Variants in DGKB observed in about 807,000 individuals in gnomAD.
The protein encoded by DGKB is diacylglycerol kinase beta, also known as 90 kDa diacylglycerol kinase.
In DGKB, 67 loss-of-function variants were observed where a neutral mutation model predicts 114.3. The observed-to-expected ratio is 0.59, with a 90% CI of 0.48 to 0.72. The LOEUF is 0.72. DGKB is among the 30% of genes least tolerant of loss of function. DGKB has a pLI of 0.00. For missense variants in DGKB, 907 were observed against 975.2 expected, an observed-to-expected ratio of 0.93 and a Z score of 0.93; for synonymous variants, 398 against 323.1, an observed-to-expected ratio of 1.23 and a Z score of -2.49.
chr7:14,365,097 G>T (rs1583429536), intron 21 of DGKB, among the ~76,000 whole-genome samples: 1 of 151,488 alleles, frequency 6.6e-6, no homozygotes, highest in Non-Finnish European at 1.5e-5. Context: ...CATCTTGGGG[G>T]TAGGGGCTCT....
chr7:14,756,830 C>A (rs552354767), intron 3 of DGKB, among the ~76,000 whole-genome samples: 1 of 152,026 alleles, frequency 6.6e-6, no homozygotes, highest in Non-Finnish European at 1.5e-5. Context: ...ACAAAAGGGT[C>A]TTTTGCAAAG....
intron 20 of DGKB, among the ~76,000 whole-genome samples, chr7:14,500,987 G>T (rs1239784326): frequency 7.9e-5 from 12 of 151,772 alleles, no homozygotes; most frequent in Non-Finnish European, 1.5e-5. Context: ...AAGAATAAAG[G>T]AATTTAAAGT....
At chr7:14,681,644 C>A (rs75473444) in intron 12 of DGKB, among the ~76,000 whole-genome samples, 5,973 of 152,038 alleles carry the variant, frequency 0.039, 293 homozygotes, top group African/African-American at 0.097. Flanking sequence ...GGAAACAAAA[C>A]CTCAGCCCCA....
At chr7:14,268,899 C>T (rs865805050) in intron 23 of DGKB, 1 of 152,056 alleles carries the variant, frequency 6.6e-6, no homozygotes, top group African/African-American at 2.4e-5. Flanking sequence ...AATAAGTTAC[C>T]TTTTTGTTTA....
intron 23 of DGKB, among the ~76,000 whole-genome samples, chr7:14,217,709 A>G (rs1468320457): frequency 1.3e-5 from 2 of 152,068 alleles, no homozygotes; most frequent in Non-Finnish European, 2.9e-5. Flanking sequence ...GACCTGTATG[A>G]ATATTTTCCA....
At chr7:14,580,004 G>A (rs1359645220) in intron 19 of DGKB, among the ~76,000 whole-genome samples, 1 of 152,198 alleles carries the variant, frequency 6.6e-6, no homozygotes, top group African/African-American at 2.4e-5. Context: ...GGTGTTTAGT[G>A]ATCTTACCTA....
At chr7:14,590,907 C>T (rs113487339) in intron 17 of DGKB, among the ~76,000 whole-genome samples, 54 of 152,184 alleles carry the variant, frequency 3.5e-4, no homozygotes, top group African/African-American at 1.3e-3. Context: ...CCCACCTCCT[C>T]CGCCTGCACT....
intron 14 of DGKB, among the ~76,000 whole-genome samples, chr7:14,628,355 TAG>T (rs1308646643): frequency 6.8e-6 from 1 of 147,508 alleles, no homozygotes; most frequent in African/African-American, 2.5e-5. Flanking sequence ...AAGTTAAGTT[TAG>T]AGAGAACAAC....
At chr7:14,700,253 G>A (rs988681750) in intron 7 of DGKB, among the ~76,000 whole-genome samples, 6 of 141,332 alleles carry the variant, frequency 4.2e-5, no homozygotes, top group East Asian at 2.1e-4. Flanking sequence ...TTGCTCTCTC[G>A]CCCAGGCTGG....
At chr7:14,617,471 A>T (rs1213744803) in intron 15 of DGKB, among the ~76,000 whole-genome samples, 1 of 151,566 alleles carries the variant, frequency 6.6e-6, no homozygotes, top group African/African-American at 2.4e-5. Context: ...CCATCCTAAC[A>T]AGCCTACGTC....
intron 2 of DGKB, among the ~76,000 whole-genome samples, chr7:14,759,809 G>A (rs1835425085): frequency 6.6e-6 from 1 of 152,082 alleles, no homozygotes; most frequent in Non-Finnish European, 1.5e-5. Flanking sequence ...GTAACTCTAT[G>A]TTTAGTGTTT....
intron 13 of DGKB, among the ~76,000 whole-genome samples, chr7:14,647,862 T>C (rs890696231): frequency 2.6e-5 from 4 of 152,206 alleles, no homozygotes; most frequent in Admixed American, 2.0e-4. Context: ...GTTCCCTTTC[T>C]GAGTCAAAGA....
At chr7:14,852,503 AT>A (rs1849545883) in intron 1 of DGKB, among the ~76,000 whole-genome samples, 1 of 148,774 alleles carries the variant, frequency 6.7e-6, no homozygotes, top group Non-Finnish European at 1.5e-5. Flanking sequence ...AAAAACAGAA[AT>A]CAAGCATAGT....
At chr7:14,764,647 A>C (rs1422617410) in intron 2 of DGKB, among the ~76,000 whole-genome samples, 2 of 151,938 alleles carry the variant, frequency 1.3e-5, no homozygotes, top group Non-Finnish European at 2.9e-5. Context: ...CTGATCCTTA[A>C]ATACATGCAT....
intron 20 of DGKB, among the ~76,000 whole-genome samples, chr7:14,526,328 T>C (rs1790641193): frequency 6.6e-6 from 1 of 152,094 alleles, no homozygotes; most frequent in South Asian, 2.1e-4. Context: ...AAGATACCAG[T>C]AGCACTCCCA....
At chr7:14,893,011 T>C (rs1321614285) in intron 1 of DGKB, among the ~76,000 whole-genome samples, 1 of 151,198 alleles carries the variant, frequency 6.6e-6, no homozygotes, top group Non-Finnish European at 1.5e-5. Context: ...TATGTGTATA[T>C]ACACTTTTCG....
chr7:14,652,247 C>T (rs1181127010), intron 13 of DGKB, among the ~76,000 whole-genome samples: 1 of 151,988 alleles, frequency 6.6e-6, no homozygotes, highest in African/African-American at 2.4e-5. Flanking sequence ...TGACTTCAAA[C>T]TATACTACAA....
intron 2 of DGKB, among the ~76,000 whole-genome samples, chr7:14,799,308 A>T (rs1412065601): frequency 6.6e-6 from 1 of 152,222 alleles, no homozygotes; most frequent in African/African-American, 2.4e-5. Flanking sequence ...CCTCAGGGAT[A>T]GATAAATTCC....
chr7:14,603,029 T>G (rs938373559), intron 17 of DGKB, among the ~76,000 whole-genome samples: 1 of 152,124 alleles, frequency 6.6e-6, no homozygotes, highest in African/African-American at 2.4e-5. Context: ...ATGTAAAAGG[T>G]GACTAAAGGC....
Sources: gnomAD v4.1 joint callset for allele counts (sites outside exome capture counted in the v4.1 genomes callset) on GRCh38, gnomAD v4.1.1 for gene constraint, MANE v1.5 for transcripts, NCBI Gene and HGNC (gene_info 2026-07-23, HGNC 2026-07-21) for gene names.